The following NR2E3 variants were observed in gnomAD, a reference collection of about 807,000 sequenced individuals.
NR2E3 encodes nuclear receptor subfamily 2 group E member 3.
Under a neutral mutation model 37.6 loss-of-function variants are expected in NR2E3, and 38 were observed. The observed-to-expected ratio is 1.01, with a 90% confidence interval of 0.78 to 1.33. The LOEUF (loss-of-function observed/expected upper bound fraction) is 1.33. Ranked by LOEUF, NR2E3 falls within the 40% of genes most tolerant of loss-of-function variation. NR2E3 has a pLI of 0.00. For missense variants in NR2E3, 562 were observed against 558.7 expected (o/e 1.01, Z -0.06); for synonymous variants, 235 against 225.1 (o/e 1.04, Z -0.39).
In NR2E3 at chr15:71,817,819, A is replaced by T; in HGVS notation, c.*135A>T. On this transcript the variant is annotated 3_prime_UTR_variant, in exon 8 of 8. Transcript: ENST00000617575. ...GAAATGCCCACCGAAAGATATTGTA[A>T]GAATATTCATAGCAGCTTTATTCAT... is the stretch of plus-strand genomic sequence containing the variant. 1 of 705,418 alleles carries T rather than the reference A, an allele frequency of 1.4e-6. No homozygotes were observed. Among genetic ancestry groups the T allele is most frequent in the Non-Finnish European group, 2.3e-6 (1 of 441,510 alleles). 43.7% of individuals were successfully genotyped at this position (705,418 alleles called of 1,614,324 possible). A position where few individuals can be genotyped will look rare whatever the true frequency, so the allele number is the denominator to read the frequency against.
chr15:71,810,912 G>A lies in NR2E3; in HGVS notation c.118+51G>A, dbSNP rs376018907. 5.7e-4 allele frequency: 850 copies of A among 1,491,308 alleles called. 2 individuals are homozygous for A. In the African/African-American group the frequency reaches 9.3e-3, roughly 16 times the overall value. 92.4% of individuals were successfully genotyped at this position (1,491,308 alleles called of 1,614,324 possible). A position where few individuals can be genotyped will look rare whatever the true frequency, so the allele number is the denominator to read the frequency against. On this transcript the variant is annotated intron_variant, in intron 1 of 7. Transcript: ENST00000617575. Reference sequence around the variant, plus strand: ...TGGGTCTGGGCCCTTGGGGAGCAGGGTAAGGGCCAGAGGTTCGCAGGGACC... The same window carrying A: ...TGGGTCTGGGCCCTTGGGGAGCAGGATAAGGGCCAGAGGTTCGCAGGGACC...
intron 1 of NR2E3, 24 bp downstream of exon 1, chr15:71,810,885 G>A (rs2054173230): frequency 3.3e-6 from 5 of 1,537,938 alleles, no homozygotes; most frequent in Non-Finnish European, 4.4e-6. Flanking sequence ...TGGAGGTAGG[G>A]TTGGGTCTGG....
At chr15:71,814,212 C>T in intron 7 of NR2E3, 95 bp downstream of exon 7, 2 of 1,495,638 alleles carry the variant, frequency 1.3e-6, no homozygotes, top group Non-Finnish European at 1.8e-6. Context: ...GATTAGACAG[C>T]ACAAGGGTCT....
In NR2E3 at chr15:71,817,805, C is replaced by T. The variant is rs538066285; in HGVS notation, c.*121C>T. 2 of 799,758 alleles carry T rather than the reference C, an allele frequency of 2.5e-6. No individual in the cohort carries two copies. The highest frequency in any genetic ancestry group is 3.8e-6 in the Non-Finnish European group (2 of 523,670). The allele number at this position is 799,758 out of a possible 1,614,324, so 49.5% of individuals were successfully genotyped here. On this transcript the variant is annotated 3_prime_UTR_variant, in exon 8 of 8. Coordinates refer to ENST00000617575, the MANE Select transcript of NR2E3 (RefSeq NM_014249.4). ...GTGTGTACCCAGCAGAAATGCCCACCGAAAGATATTGTAAGAATATTCATA... is the reference window on the plus strand; with the variant it reads ...GTGTGTACCCAGCAGAAATGCCCACTGAAAGATATTGTAAGAATATTCATA...
In NR2E3 at chr15:71,817,853, C is replaced by T. The variant is rs1241259200; in HGVS notation, c.*169C>T. 2.0e-6 allele frequency: 1 copy of T among 503,714 alleles called. No individual in the cohort carries two copies. Among genetic ancestry groups the T allele is most frequent in the Admixed American group, 3.1e-5 (1 of 31,772 alleles). 31.2% of individuals were successfully genotyped at this position (503,714 alleles called of 1,614,324 possible). A position where few individuals can be genotyped will look rare whatever the true frequency, so the allele number is the denominator to read the frequency against. On this transcript the variant is annotated 3_prime_UTR_variant, in exon 8 of 8. Coordinates refer to ENST00000617575, the MANE Select transcript of NR2E3 (RefSeq NM_014249.4). The stretch of plus-strand genomic sequence containing the variant: ...ATAGCAGCTTTATTCATAATAGCCC[C>T]AAACTGTATATTGATGGTAGGATGA...
Position 71,813,421 on chromosome 15 carries a change from CTT to C in NR2E3, c.782_783del (p.Phe261SerfsTer79). 6.2e-7 allele frequency: 1 copy of C among 1,611,448 alleles called. No homozygotes were observed. Among genetic ancestry groups the C allele is most frequent in the Non-Finnish European group, 8.5e-7 (1 of 1,178,892 alleles). On this transcript the variant is annotated frameshift_variant, in exon 6 of 8. Transcript: ENST00000617575. LOFTEE classifies it high-confidence loss of function. The surrounding 1 kb of genome is among the most constrained non-coding windows in gnomAD (Gnocchi z 4.7). ...ILLEEAWSEL[F>X]LLGAIQWSLP... ...TGCTGGAAGAGGCGTGGAGTGAACTCTTTCTCCTCGGGGCCATCCAGTGGTCT... is the reference window on the plus strand; with the variant it reads ...TGCTGGAAGAGGCGTGGAGTGAACTCTCTCCTCGGGGCCATCCAGTGGTCT...
In NR2E3 at chr15:71,811,825, C is replaced by A. The variant is rs772881093; in HGVS notation, c.305C>A (p.Ala102Asp). The change falls in exon 3 of 8, where the codon GCC (alanine) becomes GAC (aspartate). Residue 102 changes from alanine (A) to aspartate (D), a missense_variant. Coordinates refer to ENST00000617575, the MANE Select transcript of NR2E3 (RefSeq NM_014249.4). This position sits in a 1 kb window ranked among gnomAD's most constrained non-coding sequence, Gnocchi z 5.6. ...AAGGCCCACCGCAACCAGTGCCAGG[C>A]CTGCCGGCTGAAGAAGTGCCTGCAG... ...VDKAHRNQCQACRLKKCLQAG... is the reference protein window; with the variant it reads ...VDKAHRNQCQDCRLKKCLQAG... 86 of 1,551,314 alleles carry A rather than the reference C, an allele frequency of 5.5e-5. No individual in the cohort carries two copies. Among genetic ancestry groups the A allele is most frequent in the Non-Finnish European group, 6.8e-5 (78 of 1,147,060 alleles).
At position 71,812,377 on chromosome 15, in the gene NR2E3, C is replaced by T. The variant is rs1413000189; in HGVS notation, c.613C>T (p.Pro205Ser). ...IDVTSNDPEF[P>S]SSPYSSSSPC... is the part of the protein sequence containing the mutation. ...TGTCACCAGCAATGACCCTGAGTTC[C>T]CCTCCTCTCCATACTCCTCTTCCTC... Residue 205 changes from proline to serine, a missense_variant, in exon 5 of 8, where the codon CCC becomes TCC. Transcript: ENST00000617575. 1.2e-6 allele frequency: 2 copies of T among 1,613,960 alleles called. No homozygotes were observed.
chr15:71,812,970 G>T (rs1209649457), intron 5 of NR2E3, among the ~76,000 whole-genome samples: 2 of 152,130 alleles, frequency 1.3e-5, no homozygotes, highest in East Asian at 3.9e-4. Flanking sequence ...GGCTTCTAAT[G>T]GGCAAGCAGA....
At chr15:71,817,357 C>CA in intron 7 of NR2E3, 195 bp from the exon 8 acceptor site, 1 of 518,432 alleles carries the variant, frequency 1.9e-6, no homozygotes, top group Non-Finnish European at 3.2e-6. Flanking sequence ...CTCAGCCTCC[C>CA]AAAGTGCTGG....
In NR2E3 at chr15:71,817,828, A is replaced by G. The variant is rs886051454; in HGVS notation, c.*144A>G. 33 of 652,304 alleles carry G rather than the reference A, an allele frequency of 5.1e-5. No individual in the cohort carries two copies. Among genetic ancestry groups the G allele is most frequent in the Non-Finnish European group, 8.0e-5 (32 of 399,700 alleles). The allele number at this position is 652,304 out of a possible 1,614,324, so 40.4% of individuals were successfully genotyped here. A position where few individuals can be genotyped will look rare whatever the true frequency, so the allele number is the denominator to read the frequency against. On this transcript the variant is annotated 3_prime_UTR_variant, in exon 8 of 8. Coordinates refer to ENST00000617575, the MANE Select transcript of NR2E3 (RefSeq NM_014249.4). ...ACCGAAAGATATTGTAAGAATATTC[A>G]TAGCAGCTTTATTCATAATAGCCCC...
chr15:71,817,030 GAGGGT>G (rs2054231539), intron 7 of NR2E3, among the ~76,000 whole-genome samples: 2 of 151,716 alleles, frequency 1.3e-5, no homozygotes, highest in Non-Finnish European at 2.9e-5. Flanking sequence ...AAACTAAATA[GAGGGT>G]GGCGGCTCAC....
Position 71,810,852 on chromosome 15 carries a change from G to A in NR2E3, c.109G>A (p.Asp37Asn). The A allele has an allele frequency of 6.4e-7, 1 of 1,558,800 alleles. No homozygotes were observed. The highest frequency in any genetic ancestry group is 8.7e-7 in the Non-Finnish European group (1 of 1,151,440). The change falls in exon 1 of 8, where the codon GAT becomes AAT. Residue 37 changes from aspartate (D) to asparagine (N), a missense_variant. By Grantham distance (23) the Asp-to-Asn change is conservative (BLOSUM62 1). Transcript: ENST00000617575. ...ESPGRWGLGE[D>N]PTGVSPSLQC... The stretch of plus-strand genomic sequence containing the variant: ...TCCAGGCAGATGGGGCCTGGGGGAG[G>A]ATCCCACAGGTATGGCTTCTCCTGG...
At chr15:71,810,948 C>T (rs1281111992) in intron 1 of NR2E3, 87 bp downstream of exon 1, 2 of 1,365,654 alleles carry the variant, frequency 1.5e-6, no homozygotes, top group Non-Finnish European at 2.0e-6. Flanking sequence ...ATGGAAGGAG[C>T]CAGAACAACT....
chr15:71,814,455 G>C (rs1160279694), intron 7 of NR2E3: 2 of 1,083,310 alleles, frequency 1.8e-6, no homozygotes, highest in African/African-American at 3.3e-5. Flanking sequence ...GGACTTTGTG[G>C]AGACAGGGCT....
Position 71,812,583 on chromosome 15 carries a change from A to G in NR2E3, c.747+72A>G, listed in dbSNP as rs1046790477. The G allele has an allele frequency of 1.0e-4, 141 of 1,354,558 alleles. 1 individual carries two copies. The highest frequency in any genetic ancestry group is 1.3e-4 in the Non-Finnish European group (133 of 996,500). 83.9% of individuals were successfully genotyped at this position (1,354,558 alleles called of 1,614,324 possible). On this transcript the variant is annotated intron_variant, in intron 5 of 7. Transcript: ENST00000617575. ...GGCGGCCCACTCGAGTCAACCAGAC[A>G]GGGCACACACATCCCCACGCCAGTA...
At position 71,811,884 on chromosome 15, in the gene NR2E3, G is replaced by C; in HGVS notation, c.349+15G>C. 1.3e-6 allele frequency: 2 copies of C among 1,550,510 alleles called. No individual in the cohort carries two copies. Among genetic ancestry groups the C allele is most frequent in the Non-Finnish European group, 1.7e-6 (2 of 1,146,678 alleles). On this transcript the variant is annotated intron_variant, in intron 3 of 7. Transcript: ENST00000617575. The surrounding 1 kb of genome is among the most constrained non-coding windows in gnomAD (Gnocchi z 5.6). Reference sequence around the variant, plus strand: ...GAACCAGGACGGTGAGGCGGGGGCTGGCCCGGGGGGAGGTGACAAGAAATG... The same window carrying C: ...GAACCAGGACGGTGAGGCGGGGGCTCGCCCGGGGGGAGGTGACAAGAAATG...
At position 71,818,121 on chromosome 15, in the gene NR2E3, G is replaced by A. The variant is rs1184361164; in HGVS notation, c.*437G>A. 6.5e-6 allele frequency: 1 copy of A among 153,858 alleles called. No individual in the cohort carries two copies. The highest frequency in any genetic ancestry group is 1.4e-5 in the Non-Finnish European group (1 of 69,160). 9.5% of individuals were successfully genotyped at this position (153,858 alleles called of 1,614,324 possible). On this transcript the variant is annotated 3_prime_UTR_variant, in exon 8 of 8. Coordinates refer to ENST00000617575, the MANE Select transcript of NR2E3 (RefSeq NM_014249.4). ...AGAGGGGGCTCATGGGAGCCCTCTGGTGTACCAGAAATGTTGATTTTGATC... is the reference window on the plus strand; with the variant it reads ...AGAGGGGGCTCATGGGAGCCCTCTGATGTACCAGAAATGTTGATTTTGATC...
In NR2E3 at chr15:71,811,477, C is replaced by G. The variant is rs745910334; in HGVS notation, c.119-6C>G. 1 of 1,554,700 alleles carries G rather than the reference C, an allele frequency of 6.4e-7. No individual in the cohort carries two copies. The highest frequency in any genetic ancestry group is 1.4e-5 in the African/African-American group (1 of 73,274). On this transcript the variant is annotated splice_polypyrimidine_tract_variant and splice_region_variant and intron_variant, in intron 1 of 7. Transcript: ENST00000617575. This position sits in a 1 kb window ranked among gnomAD's most constrained non-coding sequence, Gnocchi z 5.6. Reference sequence around the variant, plus strand: ...CCCTGGCCCAGCCCTGCCCCCTGCCCCTCAGGCGTGAGCCCCTCGCTCCAG... The same window carrying G: ...CCCTGGCCCAGCCCTGCCCCCTGCCGCTCAGGCGTGAGCCCCTCGCTCCAG...
Sources: gnomAD v4.1 joint callset for allele counts (sites outside exome capture counted in the v4.1 genomes callset) on GRCh38, gnomAD v4.1.1 for gene constraint, Gnocchi (gnomAD v3.1) non-coding constraint, MANE v1.5 for transcripts, NCBI Gene and HGNC (gene_info 2026-07-23, HGNC 2026-07-21) for gene names.